The following SYNPR variants were observed in gnomAD, a reference collection of about 807,000 sequenced individuals.
SYNPR encodes synaptoporin.
A neutral mutation model predicts 32.9 loss-of-function variants in SYNPR; 23 were observed. The ratio of observed to expected loss-of-function variants is 0.70; its 90% CI spans 0.50 to 0.99. The LOEUF (loss-of-function observed/expected upper bound fraction) is 0.99. Ranked by LOEUF, SYNPR falls within the 50% of genes least tolerant of loss-of-function variation. The pLI is 0.00. For missense variants in SYNPR, 318 were observed against 349.3 expected, an observed-to-expected ratio of 0.91 and a Z score of 0.71; for synonymous variants, 146 against 135.9, an observed-to-expected ratio of 1.07 and a Z score of -0.52.
At chr3:63,493,978 G>T (rs1047251386) in intron 3 of SYNPR, among the ~76,000 whole-genome samples, 1 of 151,968 alleles carries the variant, frequency 6.6e-6, no homozygotes, top group African/African-American at 2.4e-5. Context: ...GAATCAGACA[G>T]AGCTTTGATT....
chr3:63,316,626 C>G (rs532206012), intron 2 of SYNPR, among the ~76,000 whole-genome samples: 1 of 151,984 alleles, frequency 6.6e-6, no homozygotes, highest in African/African-American at 2.4e-5. Flanking sequence ...TTTCTCTCTT[C>G]TTTTCCTGGT....
chr3:63,408,220 GGAAGGAAGGAAAGAAA>G (rs1157777983), intron 2 of SYNPR, among the ~76,000 whole-genome samples: 6 of 68,730 alleles, frequency 8.7e-5, no homozygotes, highest in Admixed American at 1.6e-4. Flanking sequence ...AAGGAAGGAA[GGAAGGAAGGAAAGAAA>G]GAAAGAAAGA....
chr3:63,451,006 C>T (rs923922943), intron 2 of SYNPR, among the ~76,000 whole-genome samples: 3 of 152,066 alleles, frequency 2.0e-5, no homozygotes, highest in Non-Finnish European at 4.4e-5. Flanking sequence ...GGAAATAGGT[C>T]CAAATCCCGG....
intron 2 of SYNPR, among the ~76,000 whole-genome samples, chr3:63,307,875 G>T (rs182765794): frequency 6.6e-6 from 1 of 151,984 alleles, no homozygotes; most frequent in African/African-American, 2.4e-5. Context: ...ATTGCATTTG[G>T]TACTGAGGGA....
intron 3 of SYNPR, among the ~76,000 whole-genome samples, chr3:63,525,073 G>A (rs779587727): frequency 3.1e-4 from 47 of 152,152 alleles, no homozygotes; most frequent in Admixed American, 5.9e-4. Context: ...AATACATGAT[G>A]GAGAGCGACA....
intron 2 of SYNPR, among the ~76,000 whole-genome samples, chr3:63,323,794 A>G (rs2087136557): frequency 1.3e-5 from 2 of 152,130 alleles, no homozygotes; most frequent in Non-Finnish European, 1.5e-5. Flanking sequence ...AGGAAATTAT[A>G]TTTACTTTTC....
chr3:63,573,643 G>T (rs1185437078), intron 4 of SYNPR, among the ~76,000 whole-genome samples: 1 of 152,096 alleles, frequency 6.6e-6, no homozygotes, highest in African/African-American at 2.4e-5. Flanking sequence ...CACACAGTTG[G>T]TTCACTGAAC....
intron 4 of SYNPR, among the ~76,000 whole-genome samples, chr3:63,571,989 C>T (rs553331708): frequency 7.2e-5 from 11 of 152,282 alleles, no homozygotes; most frequent in African/African-American, 2.6e-4. Flanking sequence ...ACAGAGCAGA[C>T]ATTCAGTAAG....
At chr3:63,567,812 G>A (rs574842159) in intron 4 of SYNPR, among the ~76,000 whole-genome samples, 8 of 152,214 alleles carry the variant, frequency 5.3e-5, no homozygotes, top group Non-Finnish European at 1.0e-4. Flanking sequence ...ATTGGCCAAG[G>A]AGTGATCGCA....
chr3:63,279,160 T>A (rs140871411), intron 2 of SYNPR, among the ~76,000 whole-genome samples: 240 of 152,166 alleles, frequency 1.6e-3, no homozygotes, highest in Middle Eastern at 0.01. Flanking sequence ...CGGGAAGACT[T>A]GGCCAAGCTC....
At chr3:63,458,683 G>A (rs1162089628) in intron 2 of SYNPR, among the ~76,000 whole-genome samples, 1 of 152,078 alleles carries the variant, frequency 6.6e-6, no homozygotes, top group African/African-American at 2.4e-5. Context: ...CTTGGCAGGA[G>A]TTGCTCCAAA....
chr3:63,229,665 C>G (rs1483611091), intron 1 of SYNPR, among the ~76,000 whole-genome samples: 1 of 152,112 alleles, frequency 6.6e-6, no homozygotes, highest in East Asian at 1.9e-4. Flanking sequence ...TTATGAGACT[C>G]TAATCTTTTG....
intron 3 of SYNPR, among the ~76,000 whole-genome samples, chr3:63,519,113 A>G (rs1271443844): frequency 1.3e-5 from 2 of 152,212 alleles, no homozygotes; most frequent in African/African-American, 4.8e-5. Flanking sequence ...AATAAAGCCT[A>G]CATGACCGTG....
intron 3 of SYNPR, among the ~76,000 whole-genome samples, chr3:63,499,224 G>T (rs77723791): frequency 0.017 from 2,616 of 152,158 alleles, 26 homozygotes; most frequent in Middle Eastern, 0.034. Flanking sequence ...AGCATATATG[G>T]GCGAGAAGGT....
intron 2 of SYNPR, among the ~76,000 whole-genome samples, chr3:63,325,581 T>C (rs141447165): frequency 0.011 from 1,685 of 152,266 alleles, 40 homozygotes; most frequent in African/African-American, 0.039. Flanking sequence ...CATCTGGACC[T>C]GGCAGGGCCC....
At chr3:63,239,923 A>G (rs1187602590) in intron 1 of SYNPR, among the ~76,000 whole-genome samples, 1 of 152,150 alleles carries the variant, frequency 6.6e-6, no homozygotes, top group African/African-American at 2.4e-5. Flanking sequence ...ACTGTTTAAC[A>G]ATGAAAAGAT....
chr3:63,242,566 T>G (rs1275964152), intron 1 of SYNPR, among the ~76,000 whole-genome samples: 1 of 152,082 alleles, frequency 6.6e-6, no homozygotes, highest in Non-Finnish European at 1.5e-5. Context: ...ATCAACTGAC[T>G]TCAAATGAGT....
chr3:63,211,081 T>C, the SYNPR span, among the ~76,000 whole-genome samples: 1 of 152,164 alleles, frequency 6.6e-6, no homozygotes, highest in Non-Finnish European at 1.5e-5. Flanking sequence ...GACCTTCTTT[T>C]TTTCTGAAAT....
intron 2 of SYNPR, among the ~76,000 whole-genome samples, chr3:63,388,025 A>G (rs569214565): frequency 6.6e-6 from 1 of 152,280 alleles, no homozygotes; most frequent in East Asian, 1.9e-4. Flanking sequence ...CAGGAAAGAT[A>G]GCAGCTGAGC....
Sources: gnomAD v4.1 joint callset for allele counts (sites outside exome capture counted in the v4.1 genomes callset) on GRCh38, gnomAD v4.1.1 for gene constraint, MANE v1.5 for transcripts, NCBI Gene and HGNC (gene_info 2026-07-23, HGNC 2026-07-21) for gene names.